Variants in A4GALT observed in about 807,000 individuals in gnomAD.
A4GALT encodes the protein alpha 1,4-galactosyltransferase (P1PK blood group).
For synonymous variants in A4GALT, 257 were observed against 220.7 expected, an observed-to-expected ratio of 1.16 and a Z score of -1.46; for missense variants, 512 against 486.0, an observed-to-expected ratio of 1.05 and a Z score of -0.50.
chr22:42,707,666 A>C lies in A4GALT; in HGVS notation c.-187-12035T>G, dbSNP rs530488019. Among the ~76,000 whole-genome samples the C allele has an allele frequency of 8.4e-4, 128 of 152,216 alleles. 1 individual carries two copies. The highest frequency in any genetic ancestry group is 7.5e-3 in the Admixed American group (115 of 15,250). ...GTGAGAGACTCTTTCTCAAAATATA[A>C]CACCACCACCACCAACAAATACCAA... On this transcript the variant is annotated intron_variant, in intron 1 of 2. Transcript: ENST00000642412.
intron 2 of A4GALT, chr22:42,695,060 C>A (rs1930828634): frequency 6.6e-6 from 1 of 152,208 alleles, no homozygotes; most frequent in Admixed American, 6.5e-5. Context: ...GGCTGGGGTC[C>A]CTGCTCTCAC....
Position 42,693,022 on chromosome 22 carries a change from G to A in A4GALT, c.930C>T (p.Ala310=), listed in dbSNP as rs370545270. Residue 310 remains alanine, a synonymous_variant, in exon 3 of 3, where the codon GCC becomes GCT. Transcript: ENST00000642412. Reference sequence around the variant, plus strand: ...TGTTCCACACGTGGACAGCATAGGTGGCACTGAGCAGCCGCGGCAGCTCCT... The same window carrying A: ...TGTTCCACACGTGGACAGCATAGGTAGCACTGAGCAGCCGCGGCAGCTCCT... ...NPEELPRLLS[A]TYAVHVWNKK... is the part of the protein sequence containing the mutation. 139 of 1,613,740 alleles carry A rather than the reference G, an allele frequency of 8.6e-5. 3 individuals are homozygous for A. The South Asian group carries it at 1.4e-3, about 16-fold the overall frequency.
chr22:42,713,158 G>A (rs751094712), intron 1 of A4GALT, among the ~76,000 whole-genome samples: 1 of 152,154 alleles, frequency 6.6e-6, no homozygotes, highest in African/African-American at 2.4e-5. Context: ...TTCCTAATCT[G>A]GTCTCCTGGC....
At chr22:42,712,962 C>T (rs1921827821) in intron 1 of A4GALT, among the ~76,000 whole-genome samples, 1 of 152,160 alleles carries the variant, frequency 6.6e-6, no homozygotes, top group African/African-American at 2.4e-5. Context: ...CCCGCTCCCC[C>T]AGCATCACCT....
intron 2 of A4GALT, chr22:42,695,229 A>C (rs1930841960): frequency 6.6e-6 from 1 of 152,104 alleles, no homozygotes. Flanking sequence ...ACCCCCTTTG[A>C]CCCTCAGCAA....
chr22:42,711,633 G>GC (rs1921701887), intron 1 of A4GALT, among the ~76,000 whole-genome samples: 1 of 151,988 alleles, frequency 6.6e-6, no homozygotes, highest in African/African-American at 2.4e-5. Flanking sequence ...TCTGTATTTT[G>GC]TTTTTTGTTT....
intron 1 of A4GALT, among the ~76,000 whole-genome samples, chr22:42,705,264 G>C (rs921054029): frequency 2.0e-5 from 3 of 152,082 alleles, no homozygotes; most frequent in African/African-American, 7.2e-5. Context: ...ACGGGGGTGA[G>C]GAGCACAAAT....
intron 1 of A4GALT, among the ~76,000 whole-genome samples, chr22:42,703,057 C>CTGTGTGTGTGTGTGTGTG (rs71311456): frequency 7.4e-6 from 1 of 134,340 alleles, no homozygotes; most frequent in African/African-American, 3.2e-5. Context: ...TGCTGCCCTG[C>CTGTGTGTGTGTGTGTGTG]TGTGTGTGTG....
chr22:42,706,361 A>G (rs1212463007), intron 1 of A4GALT, among the ~76,000 whole-genome samples: 1 of 150,706 alleles, frequency 6.6e-6, no homozygotes, highest in Non-Finnish European at 1.5e-5. Context: ...TCCCAAAAAA[A>G]AAAAAAAAAA....
At chr22:42,704,317 C>T (rs919057378) in intron 1 of A4GALT, among the ~76,000 whole-genome samples, 1 of 151,776 alleles carries the variant, frequency 6.6e-6, no homozygotes, top group Non-Finnish European at 1.5e-5. Flanking sequence ...CCCATCTCTA[C>T]TAAAAAATAC....
intron 1 of A4GALT, among the ~76,000 whole-genome samples, chr22:42,707,870 T>C (rs529635169): frequency 1.2e-3 from 176 of 151,734 alleles, no homozygotes; most frequent in African/African-American, 4.2e-3. Flanking sequence ...TGGTGGCTCC[T>C]GTCTGTAATC....
intron 1 of A4GALT, among the ~76,000 whole-genome samples, chr22:42,705,109 G>A (rs1920979192): frequency 6.6e-6 from 1 of 152,076 alleles, no homozygotes; most frequent in African/African-American, 2.4e-5. Flanking sequence ...GGCAACAGAG[G>A]AGGGAGCCTT....
chr22:42,720,138 G>C (rs1922575811), intron 1 of A4GALT, among the ~76,000 whole-genome samples: 1 of 152,186 alleles, frequency 6.6e-6, no homozygotes, highest in Non-Finnish European at 1.5e-5. Flanking sequence ...CTGGAGAGGA[G>C]GGAGGGGCGC....
intron 1 of A4GALT, among the ~76,000 whole-genome samples, chr22:42,699,175 CT>C (rs1931138123): frequency 6.6e-6 from 1 of 152,034 alleles, no homozygotes; most frequent in South Asian, 2.1e-4. Flanking sequence ...CCTCTTCCTA[CT>C]GGTTTCAAGC....
chr22:42,713,885 C>T (rs1003545284), intron 1 of A4GALT, among the ~76,000 whole-genome samples: 1 of 151,318 alleles, frequency 6.6e-6, no homozygotes, highest in African/African-American at 2.4e-5. Context: ...GTGGCTCACA[C>T]CTGTAATCCC....
In A4GALT at chr22:42,713,832, AC is replaced by A. The variant is rs1569066585; in HGVS notation, c.-188+6964del. On this transcript the variant is annotated intron_variant, in intron 1 of 2. Transcript: ENST00000642412. ...TGTCAAAAAAAAAAAAAAAAAAAAG[AC>A]AGACAGACAGACAGACAGACATCAG... Among the ~76,000 whole-genome samples, 94 of 101,368 alleles carry A rather than the reference AC, an allele frequency of 9.3e-4. 1 individual carries two copies. Among genetic ancestry groups the A allele is most frequent in the East Asian group, 5.6e-3 (23 of 4,072 alleles). The allele number at this position is 101,368 out of a possible 152,430, so 66.5% of individuals were successfully genotyped here. A position where few individuals can be genotyped will look rare whatever the true frequency, so the allele number is the denominator to read the frequency against.
Position 42,693,814 on chromosome 22 carries a change from G to A in A4GALT, c.138C>T (p.Pro46=). Residue 46 remains proline (P), a synonymous_variant, in exon 3 of 3, where the codon CCC becomes CCT. Coordinates refer to ENST00000642412, the MANE Select transcript of A4GALT (RefSeq NM_017436.7). ...IMIYWHVVGE[P]KEKGQLYNLP... ...GGTTATAGAGCTGCCCTTTCTCCTTGGGCTCTCCCACAACGTGCCAGTAGA... is the reference window on the plus strand; with the variant it reads ...GGTTATAGAGCTGCCCTTTCTCCTTAGGCTCTCCCACAACGTGCCAGTAGA... The A allele has an allele frequency of 6.2e-7, 1 of 1,605,362 alleles. No individual in the cohort carries two copies. Among genetic ancestry groups the A allele is most frequent in the Non-Finnish European group, 8.5e-7 (1 of 1,176,206 alleles).
chr22:42,709,891 A>G (rs1013071009), intron 1 of A4GALT, among the ~76,000 whole-genome samples: 1 of 152,234 alleles, frequency 6.6e-6, no homozygotes, highest in Non-Finnish European at 1.5e-5. Context: ...AATCATGAAT[A>G]TAATTCATCA....
chr22:42,698,829 C>T (rs189434442), intron 1 of A4GALT, among the ~76,000 whole-genome samples: 99 of 152,260 alleles, frequency 6.5e-4, no homozygotes, highest in Admixed American at 1.0e-3. Context: ...AAACAGGTTG[C>T]AGTAGAGAAG....
Sources: allele counts gnomAD v4.1 joint callset (sites outside exome capture counted in the v4.1 genomes callset), GRCh38; gene constraint gnomAD v4.1.1; transcripts MANE v1.5; gene names NCBI Gene and HGNC (gene_info 2026-07-23, HGNC 2026-07-21).